The following TNFAIP6 variants were observed in gnomAD, a reference collection of about 807,000 sequenced individuals.
TNFAIP6 encodes the protein tumor necrosis factor-inducible gene 6 protein.
In TNFAIP6, 36 loss-of-function variants were observed where a neutral mutation model predicts 33.7. The ratio of observed to expected loss-of-function variants is 1.07; its 90% CI spans 0.82 to 1.41. The LOEUF (loss-of-function observed/expected upper bound fraction) is 1.41. Among genes scored for constraint, TNFAIP6 ranks in the 40% most tolerant of loss-of-function variants. The pLI is 0.00. For missense variants in TNFAIP6, 273 were observed against 331.9 expected, an observed-to-expected ratio of 0.82 and a Z score of 1.38; for synonymous variants, 113 against 112.8, an observed-to-expected ratio of 1.00 and a Z score of -0.01.
At chr2:151,369,930 T>C (rs1684785081) in intron 3 of TNFAIP6, 90 bp from the exon 4 acceptor site, 3 of 963,088 alleles carry the variant, frequency 3.1e-6, no homozygotes, top group African/African-American at 3.3e-5. Flanking sequence ...TCATAAAAAG[T>C]AATAGATTGC....
chr2:151,381,150 A>G (rs1685004427), downstream of TNFAIP6, among the ~76,000 whole-genome samples: 1 of 151,992 alleles, frequency 6.6e-6, no homozygotes. Flanking sequence ...CTCTTGCCCC[A>G]AGTCTTCCTC....
chr2:151,380,770 T>C (rs956080256), downstream of TNFAIP6, among the ~76,000 whole-genome samples: 1 of 152,214 alleles, frequency 6.6e-6, no homozygotes. Context: ...CTTGGTTTCT[T>C]GGAAGGTCAG....
chr2:151,367,174 G>A (rs1432760157), intron 3 of TNFAIP6, among the ~76,000 whole-genome samples: 3 of 152,042 alleles, frequency 2.0e-5, no homozygotes, highest in Non-Finnish European at 4.4e-5. Context: ...TCTCATGTCT[G>A]TAACTAACCT....
chr2:151,357,654 T>C lies in TNFAIP6; in HGVS notation c.-13T>C. The C allele has an allele frequency of 6.4e-7, 1 of 1,571,784 alleles. No homozygotes were observed. The stretch of plus-strand genomic sequence containing the variant: ...AGCCCCTAACAGGCTGTTACTTCAC[T>C]ACAACTGACGATATGATCATCTTAA... On this transcript the variant is annotated 5_prime_UTR_variant, in exon 1 of 6. Coordinates refer to ENST00000243347, the MANE Select transcript of TNFAIP6 (RefSeq NM_007115.4).
At chr2:151,362,494 T>G (rs1382806608) in intron 1 of TNFAIP6, among the ~76,000 whole-genome samples, 6,420 of 115,656 alleles carry the variant, frequency 0.056, 284 homozygotes, top group South Asian at 0.14. Context: ...TTTTTTTTTT[T>G]TTTTTTTTTT....
intron 5 of TNFAIP6, among the ~76,000 whole-genome samples, chr2:151,377,215 G>C (rs1427682269): frequency 2.0e-5 from 3 of 151,264 alleles, no homozygotes; most frequent in Non-Finnish European, 4.4e-5. Context: ...TGTCGCCCAG[G>C]CTGGAGTGCA....
At chr2:151,377,884 G>A (rs1305618799) in intron 5 of TNFAIP6, among the ~76,000 whole-genome samples, 1 of 152,096 alleles carries the variant, frequency 6.6e-6, no homozygotes, top group African/African-American at 2.4e-5. Flanking sequence ...CAGACTGCCT[G>A]TGCTCAAACC....
At chr2:151,364,297 A>G (rs975094265) in intron 2 of TNFAIP6, among the ~76,000 whole-genome samples, 1 of 152,196 alleles carries the variant, frequency 6.6e-6, no homozygotes, top group South Asian at 2.1e-4. Flanking sequence ...ACCCAGTGTG[A>G]CCTAATAAAA....
At chr2:151,363,037 C>A (rs981315478) in intron 1 of TNFAIP6, among the ~76,000 whole-genome samples, 1 of 152,108 alleles carries the variant, frequency 6.6e-6, no homozygotes, top group African/African-American at 2.4e-5. Context: ...TATTTTAGGC[C>A]GGACACGGAG....
At position 151,363,986 on chromosome 2, in the gene TNFAIP6, A is replaced by G; in HGVS notation, c.138A>G (p.Lys46=). 6.2e-7 allele frequency: 1 copy of G among 1,614,182 alleles called. No homozygotes were observed. Among genetic ancestry groups the G allele is most frequent in the Non-Finnish European group, 8.5e-7 (1 of 1,180,028 alleles). Residue 46 remains lysine (K), a synonymous_variant, in exon 2 of 6, where the codon AAA becomes AAG. Coordinates refer to ENST00000243347, the MANE Select transcript of TNFAIP6 (RefSeq NM_007115.4). ...ACCACAGAGAAGCACGGTCTGGCAA[A>G]TACAAGCTCACCTACGCAGAAGCTA... ...GVYHREARSG[K]YKLTYAEAKA...
intron 1 of TNFAIP6, 152 bp downstream of exon 1, chr2:151,357,912 C>T (rs1573776237): frequency 6.0e-5 from 22 of 364,864 alleles, no homozygotes; most frequent in South Asian, 2.3e-4. Context: ...AATACATACG[C>T]TTTTTTTTTT....
At chr2:151,370,693 T>G (rs905201362) in intron 4 of TNFAIP6, among the ~76,000 whole-genome samples, 1 of 152,204 alleles carries the variant, frequency 6.6e-6, no homozygotes, top group Admixed American at 6.5e-5. Context: ...CACCTCAAGA[T>G]CTGACTAACA....
intron 1 of TNFAIP6, among the ~76,000 whole-genome samples, chr2:151,361,236 G>A (rs924355718): frequency 9.9e-5 from 15 of 151,842 alleles, no homozygotes; most frequent in East Asian, 1.9e-4. Context: ...CACCACACCC[G>A]GCTAATCTTT....
At chr2:151,365,570 C>T (rs902362000) in intron 2 of TNFAIP6, among the ~76,000 whole-genome samples, 2 of 151,738 alleles carry the variant, frequency 1.3e-5, no homozygotes, top group Non-Finnish European at 2.9e-5. Context: ...ACCCAGGAGG[C>T]GGAGGTTGGA....
chr2:151,359,645 C>T (rs1171377447), intron 1 of TNFAIP6, among the ~76,000 whole-genome samples: 1 of 152,168 alleles, frequency 6.6e-6, no homozygotes, highest in Admixed American at 6.5e-5. Flanking sequence ...ACCTTGGCCT[C>T]CCAAAGTGCT....
chr2:151,378,532 A>G (rs1466398065), intron 5 of TNFAIP6, among the ~76,000 whole-genome samples: 4 of 149,714 alleles, frequency 2.7e-5, no homozygotes, highest in African/African-American at 9.9e-5. Context: ...CTTGTTGCCC[A>G]GGCTGGAGTG....
At position 151,373,528 on chromosome 2, in the gene TNFAIP6, T is replaced by C. The variant is rs76554667; in HGVS notation, c.624-21T>C. Reference sequence around the variant, plus strand: ...TAATATTCATTTGTGTGACATCTCTTTTCTAAAAATTCCTTTTCAGATACT... The same window carrying C: ...TAATATTCATTTGTGTGACATCTCTCTTCTAAAAATTCCTTTTCAGATACT... On this transcript the variant is annotated intron_variant, in intron 4 of 5. Transcript: ENST00000243347. 4,299 of 1,507,086 alleles carry C rather than the reference T, an allele frequency of 2.9e-3. 93 individuals carry two copies. The East Asian group carries it at 0.055, about 19-fold the overall frequency. The allele number at this position is 1,507,086 out of a possible 1,614,324, so 93.4% of individuals were successfully genotyped here.
In TNFAIP6 at chr2:151,357,754, T is replaced by C; in HGVS notation, c.88T>C (p.Trp30Arg). 3 of 1,599,042 alleles carry C rather than the reference T, an allele frequency of 1.9e-6. No homozygotes were observed. The highest frequency in any genetic ancestry group is 1.1e-5 in the South Asian group (1 of 90,738). Residue 30 changes from tryptophan to arginine, a missense_variant, in exon 1 of 6, where the codon TGG (tryptophan) becomes CGG (arginine). Coordinates refer to ENST00000243347, the MANE Select transcript of TNFAIP6 (RefSeq NM_007115.4). ...FKDGIFHNSIWLERAAGVYHR... is the reference protein window; with the variant it reads ...FKDGIFHNSIRLERAAGVYHR... ...GGATGGAATTTTTCATAACTCCATA[T>C]GGCTTGGTAAGAACCTTCACTCATG...
chr2:151,380,533 G>A (rs1274423310), downstream of TNFAIP6, among the ~76,000 whole-genome samples: 3 of 152,140 alleles, frequency 2.0e-5, no homozygotes, highest in African/African-American at 7.2e-5. Context: ...TGCAATTCTA[G>A]AATCAGGCAC....
Sources: gnomAD v4.1 joint callset for allele counts (sites outside exome capture counted in the v4.1 genomes callset) on GRCh38, gnomAD v4.1.1 for gene constraint, MANE v1.5 for transcripts, NCBI Gene and HGNC (gene_info 2026-07-23, HGNC 2026-07-21) for gene names.